CRISPLD2: variants seen among roughly 807,000 people sequenced by gnomAD.
CRISPLD2 encodes cysteine rich secretory protein LCCL domain containing 2.
Under a neutral mutation model 71.1 loss-of-function variants are expected in CRISPLD2, and 47 were observed. The observed-to-expected ratio is 0.66, with a 90% CI of 0.52 to 0.84. CRISPLD2 has a LOEUF of 0.84. Among genes scored for constraint, CRISPLD2 ranks in the 40% least tolerant of loss-of-function variants. The pLI, the probability that CRISPLD2 is intolerant of heterozygous loss-of-function variation, is 0.00. For missense variants in CRISPLD2, 830 were observed against 651.1 expected (o/e 1.27, Z -2.99); for synonymous variants, 317 against 250.1 (o/e 1.27, Z -2.52).
intron 14 of CRISPLD2, among the ~76,000 whole-genome samples, chr16:84,892,532 G>C (rs1421209727): frequency 1.3e-5 from 2 of 152,158 alleles, no homozygotes; most frequent in East Asian, 1.9e-4. Context: ...TCTCAGCGCT[G>C]AGTTGTCCAG....
chr16:84,892,320 C>T (rs2071669961), intron 14 of CRISPLD2, among the ~76,000 whole-genome samples: 1 of 152,250 alleles, frequency 6.6e-6, no homozygotes, highest in African/African-American at 2.4e-5. Context: ...GCATGCTCGA[C>T]TGTGACAGCT....
chr16:84,833,100 C>T (rs1400481343), intron 1 of CRISPLD2, among the ~76,000 whole-genome samples: 1 of 152,220 alleles, frequency 6.6e-6, no homozygotes, highest in African/African-American at 2.4e-5. Context: ...ATGCCAGTCT[C>T]CTGGACTCAG....
At chr16:84,827,585 G>A (rs1350655763) in intron 1 of CRISPLD2, among the ~76,000 whole-genome samples, 1 of 128,772 alleles carries the variant, frequency 7.8e-6, no homozygotes, top group Non-Finnish European at 1.6e-5. Context: ...TCTTTTTTCT[G>A]AGAAGGAGTC....
rs1319344838 is a variant in CRISPLD2 at position 84,898,570 on chromosome 16, GT to G, written c.1440-8017del. 6.6e-5 allele frequency among the ~76,000 whole-genome samples: 10 copies of G among 152,294 alleles called. No homozygotes were observed. In the East Asian group the frequency reaches 1.9e-3, roughly 29 times the overall value. The stretch of plus-strand genomic sequence containing the variant: ...GTTCTCCACCATCCAGCCTGCACTT[GT>G]CTCCTGCTCCCTGATGGATCTGTGT... On this transcript the variant is annotated intron_variant, in intron 14 of 14. Coordinates refer to ENST00000262424, the MANE Select transcript of CRISPLD2 (RefSeq NM_031476.4).
intron 14 of CRISPLD2, among the ~76,000 whole-genome samples, chr16:84,891,268 G>C (rs1479392748): frequency 6.6e-6 from 1 of 152,212 alleles, no homozygotes; most frequent in African/African-American, 2.4e-5. Context: ...TGGACGCTCA[G>C]GCCTTCCTGC....
Position 84,872,466 on chromosome 16 carries a change from G to T in CRISPLD2, c.939G>T (p.Leu313=). 1.9e-6 allele frequency: 3 copies of T among 1,613,976 alleles called. No individual in the cohort carries two copies. Among genetic ancestry groups the T allele is most frequent in the Non-Finnish European group, 2.5e-6 (3 of 1,179,938 alleles). The change falls in exon 9 of 15, where the codon CTG becomes CTT. Residue 313 remains leucine (L), a synonymous_variant. Transcript: ENST00000262424. ...GGTACCAGTGCCCAGCAGGCTGCCT[G>T]AACCACAAGGCGAAGATCTTTGGAA... ...CNRYQCPAGC[L]NHKAKIFGTL... is the part of the protein sequence containing the mutation.
At chr16:84,891,411 G>A (rs767023877) in intron 14 of CRISPLD2, among the ~76,000 whole-genome samples, 33 of 152,140 alleles carry the variant, frequency 2.2e-4, no homozygotes, top group Admixed American at 2.0e-3. Flanking sequence ...ACCCCTGCCC[G>A]GTGACTCTGC....
chr16:84,851,090 C>A (rs747853158), intron 5 of CRISPLD2, among the ~76,000 whole-genome samples: 6 of 152,190 alleles, frequency 3.9e-5, no homozygotes, highest in Non-Finnish European at 7.3e-5. Context: ...TCCTCTGGGA[C>A]CAACTGAACA....
intron 14 of CRISPLD2, among the ~76,000 whole-genome samples, chr16:84,891,043 A>C (rs992703105): frequency 7.9e-5 from 12 of 152,276 alleles, no homozygotes; most frequent in African/African-American, 2.9e-4. Context: ...CTGGGATCAC[A>C]GGTGTGAGCC....
chr16:84,896,712 G>C (rs1020582527), intron 14 of CRISPLD2, among the ~76,000 whole-genome samples: 1 of 152,032 alleles, frequency 6.6e-6, no homozygotes, highest in Non-Finnish European at 1.5e-5. Flanking sequence ...GGTTTATCAG[G>C]ACGCGACCCA....
Position 84,849,448 on chromosome 16 carries a change from C to A in CRISPLD2, c.423C>A (p.Pro141=). The A allele has an allele frequency of 6.2e-7, 1 of 1,614,144 alleles. No homozygotes were observed. Among genetic ancestry groups the A allele is most frequent in the Non-Finnish European group, 8.5e-7 (1 of 1,179,978 alleles). Residue 141 remains proline (P), a synonymous_variant, in exon 4 of 15, where the codon CCC becomes CCA. Transcript: ENST00000262424. The part of the protein sequence containing the change: ...WYDEVKDYTY[P]YPSECNPWCP... ...ACGAGGTGAAGGACTACACCTACCC[C>A]TACCCGAGCGAGTGCAACCCCTGGT...
At chr16:84,854,627 C>A (rs1165086637) in intron 5 of CRISPLD2, 102 bp from the exon 6 acceptor site, 19 of 807,426 alleles carry the variant, frequency 2.4e-5, no homozygotes, top group Admixed American at 1.6e-4. Flanking sequence ...CCTGACCTGT[C>A]AGTGGCGGTG....
chr16:84,850,247 C>A (rs940747597), intron 4 of CRISPLD2, among the ~76,000 whole-genome samples: 2 of 151,996 alleles, frequency 1.3e-5, no homozygotes, highest in Admixed American at 6.6e-5. Flanking sequence ...CCTGCCACCA[C>A]GCCCGGCTAA....
intron 11 of CRISPLD2, among the ~76,000 whole-genome samples, chr16:84,875,868 G>T (rs1281147999): frequency 6.6e-5 from 10 of 151,900 alleles, no homozygotes. Context: ...ACCCGGCCTG[G>T]ACACCCTTGC....
At chr16:84,824,957 A>C (rs760020934) in intron 1 of CRISPLD2, among the ~76,000 whole-genome samples, 1 of 152,012 alleles carries the variant, frequency 6.6e-6, no homozygotes, top group African/African-American at 2.4e-5. Flanking sequence ...TACAAAAATT[A>C]GCCGGGCGTG....
chr16:84,892,710 T>A (rs989342690), intron 14 of CRISPLD2, among the ~76,000 whole-genome samples: 3 of 152,098 alleles, frequency 2.0e-5, no homozygotes, highest in African/African-American at 7.2e-5. Flanking sequence ...GCGTGGTGGC[T>A]CACACCTGTA....
chr16:84,896,314 G>C (rs2071705730), intron 14 of CRISPLD2, among the ~76,000 whole-genome samples: 1 of 152,046 alleles, frequency 6.6e-6, no homozygotes, highest in Non-Finnish European at 1.5e-5. Flanking sequence ...CTCCCAAAGT[G>C]CTGGGAGTAC....
At chr16:84,902,259 C>T (rs948799968) in intron 14 of CRISPLD2, among the ~76,000 whole-genome samples, 7 of 152,056 alleles carry the variant, frequency 4.6e-5, no homozygotes, top group East Asian at 3.9e-4. Context: ...GGTGCTTCCA[C>T]GAACTGAGCA....
intron 13 of CRISPLD2, among the ~76,000 whole-genome samples, chr16:84,886,179 C>T (rs773629829): frequency 3.3e-5 from 5 of 152,056 alleles, no homozygotes; most frequent in African/African-American, 7.2e-5. Flanking sequence ...TGTAAGCCAC[C>T]GCGCCGGCCA....
Sources: allele counts gnomAD v4.1 joint callset (sites outside exome capture counted in the v4.1 genomes callset), GRCh38; gene constraint gnomAD v4.1.1; transcripts MANE v1.5; gene names NCBI Gene and HGNC (gene_info 2026-07-23, HGNC 2026-07-21).